Variants in STK10 observed in about 807,000 individuals in gnomAD.
The protein encoded by STK10 is serine/threonine-protein kinase 10.
Under a neutral mutation model 113.8 loss-of-function variants are expected in STK10, and 78 were observed. That is an observed-to-expected ratio of 0.69 (90% CI 0.57 to 0.83). STK10 has a LOEUF of 0.83. STK10 is among the 40% of genes least tolerant of loss of function. STK10 has a pLI of 0.00. For synonymous variants in STK10, 465 were observed against 494.7 expected (o/e 0.94, Z 0.80); for missense variants, 1,109 against 1,280.1 (o/e 0.87, Z 2.04).
intron 7 of STK10, 98 bp from the exon 8 acceptor site, chr5:172,096,658 C>T (rs1275228948): frequency 6.6e-7 from 1 of 1,520,626 alleles, no homozygotes; most frequent in Non-Finnish European, 8.9e-7. Flanking sequence ...AAAGGCCAGC[C>T]TCATTCCTGA....
At chr5:172,168,873 G>A (rs919907116) in intron 1 of STK10, among the ~76,000 whole-genome samples, 1 of 152,050 alleles carries the variant, frequency 6.6e-6, no homozygotes, top group Non-Finnish European at 1.5e-5. Flanking sequence ...TTCCCTCCGT[G>A]GCCTTCAACC....
At chr5:172,146,113 G>T (rs780896874) in intron 2 of STK10, among the ~76,000 whole-genome samples, 3 of 152,276 alleles carry the variant, frequency 2.0e-5, no homozygotes, top group Admixed American at 6.5e-5. Flanking sequence ...ATTGTCTGTT[G>T]TCTGCCTCCC....
At chr5:172,090,935 TAAAAAAAAAAAA>T (rs547251159) in intron 9 of STK10, among the ~76,000 whole-genome samples, 9 of 46,142 alleles carry the variant, frequency 2.0e-4, no homozygotes, top group Admixed American at 1.9e-3. Context: ...ACTCCGTCTC[TAAAAAAAAAAAA>T]AAAAAAAAAA....
chr5:172,158,325 T>C (rs535480432), intron 1 of STK10, among the ~76,000 whole-genome samples: 1 of 151,232 alleles, frequency 6.6e-6, no homozygotes, highest in South Asian at 2.1e-4. Flanking sequence ...GATATTTATA[T>C]ACTCATAGCA....
At chr5:172,102,469 C>A (rs1425718109) in intron 7 of STK10, among the ~76,000 whole-genome samples, 1 of 152,144 alleles carries the variant, frequency 6.6e-6, no homozygotes, top group Non-Finnish European at 1.5e-5. Flanking sequence ...CGGGCCGAGG[C>A]ATGGAGCTGG....
intron 1 of STK10, among the ~76,000 whole-genome samples, chr5:172,166,812 AC>A (rs1447984742): frequency 6.6e-6 from 1 of 152,148 alleles, no homozygotes; most frequent in Non-Finnish European, 1.5e-5. Flanking sequence ...CCATGAAAAT[AC>A]CTTTTCAGCC....
chr5:172,078,118 G>A (rs1266906375), intron 12 of STK10, among the ~76,000 whole-genome samples: 2 of 152,184 alleles, frequency 1.3e-5, no homozygotes, highest in Admixed American at 1.3e-4. Context: ...CCAGCACCTT[G>A]CAGCCCTCAC....
rs968296243 is a variant in STK10, at chr5:172,078,487, C to T, written c.1989+3839G>A. ...TGGGCAAGTAAGTGAGACCCCTATT[C>T]CTACAAAAATTTTTTTAAAAAATTA... is the stretch of plus-strand genomic sequence containing the variant. On this transcript the variant is annotated intron_variant, in intron 12 of 18. Transcript: ENST00000176763. Among the ~76,000 whole-genome samples, 3 of 151,802 alleles carry T rather than the reference C, an allele frequency of 2.0e-5. No individual in the cohort carries two copies. The South Asian group carries it at 6.3e-4, about 32-fold the overall frequency.
chr5:172,143,412 C>T (rs981789307), intron 2 of STK10, among the ~76,000 whole-genome samples: 3 of 152,194 alleles, frequency 2.0e-5, no homozygotes, highest in African/African-American at 4.8e-5. Flanking sequence ...GGCACTTTGA[C>T]TCCAGAGGTG....
At chr5:172,124,824 T>C (rs562898920) in intron 3 of STK10, among the ~76,000 whole-genome samples, 1 of 152,308 alleles carries the variant, frequency 6.6e-6, no homozygotes, top group Non-Finnish European at 1.5e-5. Context: ...AATCTCTCCC[T>C]GTAATACACT....
At chr5:172,065,128 A>T (rs1367994530) in intron 12 of STK10, among the ~76,000 whole-genome samples, 6 of 152,122 alleles carry the variant, frequency 3.9e-5, no homozygotes, top group Non-Finnish European at 5.9e-5. Context: ...CAACCTTTTT[A>T]AAAAATTACA....
At chr5:172,080,237 A>T (rs1033166325) in intron 12 of STK10, among the ~76,000 whole-genome samples, 1 of 152,230 alleles carries the variant, frequency 6.6e-6, no homozygotes, top group Non-Finnish European at 1.5e-5. Flanking sequence ...ACTGCTCCAC[A>T]GACTGGCCTT....
intron 6 of STK10, 122 bp from the exon 7 acceptor site, chr5:172,105,859 A>G (rs1769092664): frequency 2.4e-6 from 2 of 823,440 alleles, no homozygotes; most frequent in East Asian, 2.7e-5. Flanking sequence ...TTCACAAGCT[A>G]AAACAGTGAC....
At chr5:172,151,202 G>A (rs1446588131) in intron 2 of STK10, among the ~76,000 whole-genome samples, 4 of 152,188 alleles carry the variant, frequency 2.6e-5, no homozygotes, top group Non-Finnish European at 5.9e-5. Flanking sequence ...CTACTGTGAA[G>A]ATCCCCATTC....
chr5:172,058,505 G>C (rs766898792), intron 14 of STK10, among the ~76,000 whole-genome samples: 1 of 152,180 alleles, frequency 6.6e-6, no homozygotes, highest in Non-Finnish European at 1.5e-5. Context: ...TATTGGCCTC[G>C]TGTTGTTTAC....
chr5:172,055,483 CA>C (rs1005941458), intron 16 of STK10, 104 bp downstream of exon 16: 12 of 1,160,388 alleles, frequency 1.0e-5, no homozygotes, highest in Non-Finnish European at 1.2e-5. Context: ...AGCCAGCCTG[CA>C]TCTTGTTTCA....
intron 4 of STK10, chr5:172,115,209 A>T (rs1483927947): frequency 6.6e-6 from 1 of 151,234 alleles, no homozygotes; most frequent in Non-Finnish European, 1.5e-5. Context: ...CCTGTGGGAG[A>T]CCCCCTCCTG....
chr5:172,122,098 C>G (rs2113782895), intron 3 of STK10, among the ~76,000 whole-genome samples: 1 of 152,224 alleles, frequency 6.6e-6, no homozygotes, highest in South Asian at 2.1e-4. Context: ...CAACTCCTGA[C>G]CTTGTGATCC....
chr5:172,145,375 CA>C (rs1270782836), intron 2 of STK10, among the ~76,000 whole-genome samples: 1 of 149,468 alleles, frequency 6.7e-6, no homozygotes, highest in Non-Finnish European at 1.5e-5. Flanking sequence ...ACATTCAACT[CA>C]AATTGCTAAA....
Sources: allele counts gnomAD v4.1 joint callset (sites outside exome capture counted in the v4.1 genomes callset), GRCh38; gene constraint gnomAD v4.1.1; transcripts MANE v1.5; gene names NCBI Gene and HGNC (gene_info 2026-07-23, HGNC 2026-07-21).